SEPTIN9: variants seen among roughly 807,000 people sequenced by gnomAD.
SEPTIN9 encodes septin 9.
A neutral mutation model predicts 56.6 loss-of-function variants in SEPTIN9; 13 were observed. The ratio of observed to expected loss-of-function variants is 0.23; its 90% CI spans 0.15 to 0.37. SEPTIN9 has a LOEUF of 0.37. Ranked by LOEUF, SEPTIN9 falls within the 10% of genes least tolerant of loss-of-function variation. The probability of loss-of-function intolerance (pLI) is 1.00; values close to 1 mark genes in which losing one functional copy is unlikely to be tolerated. For missense variants in SEPTIN9, 650 were observed against 823.1 expected, an observed-to-expected ratio of 0.79 and a Z score of 2.57; for synonymous variants, 332 against 334.1, an observed-to-expected ratio of 0.99 and a Z score of 0.07.
chr17:77,355,627 G>A (rs952129681), intron 2 of SEPTIN9, among the ~76,000 whole-genome samples: 1 of 152,108 alleles, frequency 6.6e-6, no homozygotes, highest in Non-Finnish European at 1.5e-5. Flanking sequence ...CGTGGCTGCC[G>A]CATCTGAAAG....
rs1002589173 is a variant in SEPTIN9 at position 77,435,318 on chromosome 17, C to T, written c.721+32615C>T. On this transcript the variant is annotated intron_variant, in intron 3 of 11. Coordinates refer to ENST00000427177, the MANE Select transcript of SEPTIN9 (RefSeq NM_001113491.2). The surrounding 1 kb of genome is among the most constrained non-coding windows in gnomAD (Gnocchi z 4.5). ...CAGAGGAGTGCAGTGACTTGGCCAG[C>T]TTCGCACGGCAGGTTAGTGGCAGAG... is the stretch of plus-strand genomic sequence containing the variant. 2.6e-5 allele frequency among the ~76,000 whole-genome samples: 4 copies of T among 152,170 alleles called. No homozygotes were observed. Among genetic ancestry groups the T allele is most frequent in the African/African-American group, 7.2e-5 (3 of 41,436 alleles).
chr17:77,427,704 G>C (rs1185203079), intron 3 of SEPTIN9, among the ~76,000 whole-genome samples: 1 of 152,186 alleles, frequency 6.6e-6, no homozygotes, highest in Non-Finnish European at 1.5e-5. Context: ...CTCTGTGCCT[G>C]CCTGCAGGGT....
At chr17:77,362,099 C>T (rs1297643238) in intron 2 of SEPTIN9, among the ~76,000 whole-genome samples, 2 of 152,262 alleles carry the variant, frequency 1.3e-5, no homozygotes, top group Admixed American at 6.5e-5. Flanking sequence ...TGTCCACATT[C>T]ACCTCCTTGA....
intron 3 of SEPTIN9, among the ~76,000 whole-genome samples, chr17:77,413,145 C>G (rs1041273371): frequency 6.7e-6 from 1 of 150,182 alleles, no homozygotes; most frequent in South Asian, 2.1e-4. Context: ...GTTTTGGTGT[C>G]TGCATTGTGC....
chr17:77,378,935 C>T (rs920958907), intron 2 of SEPTIN9, among the ~76,000 whole-genome samples: 3 of 151,986 alleles, frequency 2.0e-5, no homozygotes, highest in Non-Finnish European at 2.9e-5. Flanking sequence ...GCTGGATGAC[C>T]GGACCATGAG....
Position 77,318,504 on chromosome 17 carries a change from T to C in SEPTIN9, c.76+11307T>C, listed in dbSNP as rs2032786120. Among the ~76,000 whole-genome samples the C allele has an allele frequency of 6.6e-6, 1 of 152,160 alleles. No individual in the cohort carries two copies. The highest frequency in any genetic ancestry group is 6.5e-5 in the Admixed American group (1 of 15,278). ...TTAGGACATGCTATCCCTGGGGCCA[T>C]TATTCAGCCTTCTCTCGTGACTATG... On this transcript the variant is annotated intron_variant, in intron 2 of 11. Coordinates refer to ENST00000427177, the MANE Select transcript of SEPTIN9 (RefSeq NM_001113491.2). The surrounding 1 kb of genome is among the most constrained non-coding windows in gnomAD (Gnocchi z 4.9).
intron 10 of SEPTIN9, among the ~76,000 whole-genome samples, chr17:77,495,643 C>G (rs1352001013): frequency 6.6e-6 from 1 of 152,234 alleles, no homozygotes; most frequent in Non-Finnish European, 1.5e-5. Flanking sequence ...CACTCCAACT[C>G]CAGCCTGAGA....
chr17:77,406,134 A>G (rs1347068115), intron 3 of SEPTIN9, among the ~76,000 whole-genome samples: 1 of 152,180 alleles, frequency 6.6e-6, no homozygotes, highest in Non-Finnish European at 1.5e-5. Flanking sequence ...TCCCCAAAGC[A>G]CAGCACTGCT....
chr17:77,376,086 A>G (rs924893735), intron 2 of SEPTIN9: 5 of 986,094 alleles, frequency 5.1e-6, no homozygotes, highest in Non-Finnish European at 6.0e-6. Flanking sequence ...GGGAGAAGTC[A>G]GTATGGAGGA....
At chr17:77,348,292 A>ATTTTTT (rs2033947548) in intron 2 of SEPTIN9, among the ~76,000 whole-genome samples, 1 of 58,016 alleles carries the variant, frequency 1.7e-5, no homozygotes, top group African/African-American at 6.9e-5. Flanking sequence ...ATTTTAATTT[A>ATTTTTT]TGTTTTTTTT....
chr17:77,352,579 C>T (rs2034101276), intron 2 of SEPTIN9, among the ~76,000 whole-genome samples: 1 of 152,204 alleles, frequency 6.6e-6, no homozygotes. Context: ...CCTGGTATTC[C>T]TCGGCTTGCA....
At chr17:77,484,889 ATGGTGG>A (rs1249074849) in intron 4 of SEPTIN9, among the ~76,000 whole-genome samples, 2 of 62,080 alleles carry the variant, frequency 3.2e-5, no homozygotes, top group African/African-American at 8.4e-5. Flanking sequence ...TGTGATTGTG[ATGGTGG>A]TGGTGGTGAT....
rs117459177 is a variant in SEPTIN9 at position 77,429,002 on chromosome 17, G to A, written c.721+26299G>A. 1.3e-4 allele frequency: 59 copies of A among 471,316 alleles called. No homozygotes were observed. Among genetic ancestry groups the A allele is most frequent in the Admixed American group, 9.2e-4 (39 of 42,592 alleles). 29.2% of individuals were successfully genotyped at this position (471,316 alleles called of 1,614,324 possible). On this transcript the variant is annotated intron_variant, in intron 3 of 11. Transcript: ENST00000427177. The surrounding 1 kb of genome is among the most constrained non-coding windows in gnomAD (Gnocchi z 5.2). ...GTATAATAAGTGGTAAGCCGTCAGAGGAGGCAGCCGGTGAGAATGGGAGCA... is the reference window on the plus strand; with the variant it reads ...GTATAATAAGTGGTAAGCCGTCAGAAGAGGCAGCCGGTGAGAATGGGAGCA...
chr17:77,392,647 G>T (rs1301419927), intron 2 of SEPTIN9, among the ~76,000 whole-genome samples: 1 of 152,120 alleles, frequency 6.6e-6, no homozygotes, highest in Admixed American at 6.5e-5. Context: ...AGAGGGGGAG[G>T]GGACTGGGAA....
chr17:77,388,677 TC>T (rs2035423287), intron 2 of SEPTIN9, among the ~76,000 whole-genome samples: 1 of 152,042 alleles, frequency 6.6e-6, no homozygotes. Context: ...GGGGTCACCG[TC>T]CCCTGTAATT....
At chr17:77,325,445 C>T (rs73371426) in intron 2 of SEPTIN9, among the ~76,000 whole-genome samples, 240 of 152,322 alleles carry the variant, frequency 1.6e-3, no homozygotes, top group African/African-American at 5.4e-3. Context: ...GGCCTGCACT[C>T]GATCATCCCC....
At chr17:77,488,113 T>A in intron 5 of SEPTIN9, 127 bp from the exon 6 acceptor site, 1 of 799,310 alleles carries the variant, frequency 1.3e-6, no homozygotes, top group Non-Finnish European at 2.1e-6. Context: ...GGAAGGCCAT[T>A]AATTTCCCGG....
intron 1 of SEPTIN9, among the ~76,000 whole-genome samples, chr17:77,288,389 G>A (rs1407453278): frequency 6.6e-6 from 1 of 152,244 alleles, no homozygotes; most frequent in Non-Finnish European, 1.5e-5. Flanking sequence ...CTGGCCAGGC[G>A]AGGCGTGTTG....
At chr17:77,332,237 A>T (rs2033391948) in intron 2 of SEPTIN9, among the ~76,000 whole-genome samples, 1 of 152,168 alleles carries the variant, frequency 6.6e-6, no homozygotes, top group African/African-American at 2.4e-5. Flanking sequence ...GGATTGTGCC[A>T]ATGCACTCCA....
Sources: gnomAD v4.1 joint callset for allele counts (sites outside exome capture counted in the v4.1 genomes callset) on GRCh38, gnomAD v4.1.1 for gene constraint, Gnocchi (gnomAD v3.1) non-coding constraint, MANE v1.5 for transcripts, NCBI Gene and HGNC (gene_info 2026-07-23, HGNC 2026-07-21) for gene names.